Variants in NKAIN2 observed in about 807,000 individuals in gnomAD.
The protein encoded by NKAIN2 is sodium/potassium-transporting ATPase subunit beta-1-interacting protein 2.
Under a neutral mutation model 32.6 loss-of-function variants are expected in NKAIN2, and 14 were observed. The ratio of observed to expected loss-of-function variants is 0.43; its 90% CI spans 0.28 to 0.67. The LOEUF is 0.67. Ranked by LOEUF, NKAIN2 falls within the 30% of genes least tolerant of loss-of-function variation. The pLI is 0.17. For missense variants in NKAIN2, 198 were observed against 258.3 expected (o/e 0.77, Z 1.60); for synonymous variants, 80 against 87.2 (o/e 0.92, Z 0.46).
At chr6:124,290,009 T>C (rs1562473802) in intron 2 of NKAIN2, among the ~76,000 whole-genome samples, 1 of 151,968 alleles carries the variant, frequency 6.6e-6, no homozygotes, top group Non-Finnish European at 1.5e-5. Context: ...TTAGAGTAGT[T>C]GTGAAAATAA....
At chr6:124,326,072 C>G (rs1336105152) in intron 2 of NKAIN2, among the ~76,000 whole-genome samples, 2 of 149,704 alleles carry the variant, frequency 1.3e-5, no homozygotes, top group Admixed American at 6.6e-5. Context: ...TTTTTTACTT[C>G]TTTTGTTATT....
chr6:124,096,824 C>T (rs1784664725), intron 1 of NKAIN2, among the ~76,000 whole-genome samples: 1 of 144,584 alleles, frequency 6.9e-6, no homozygotes. Flanking sequence ...CGCCACTGCA[C>T]TCCAGCCTGG....
chr6:124,118,334 G>A (rs1005797870), intron 1 of NKAIN2, among the ~76,000 whole-genome samples: 3 of 152,226 alleles, frequency 2.0e-5, no homozygotes, highest in South Asian at 2.1e-4. Context: ...AAATGAAGCC[G>A]AGATTAAATT....
At position 124,571,732 on chromosome 6, in the gene NKAIN2, C is replaced by T. The variant is rs181927789; in HGVS notation, c.274-86454C>T. ...CCTCACATATGCTTAATTTTAGCCA[C>T]GCCTCTCCAGCTCTAGAGATTTCCA... On this transcript the variant is annotated intron_variant, in intron 3 of 6. Coordinates refer to ENST00000368417, the MANE Select transcript of NKAIN2 (RefSeq NM_001040214.3). Among the ~76,000 whole-genome samples, 337 of 152,278 alleles carry T rather than the reference C, an allele frequency of 2.2e-3. 1 individual carries two copies. The highest frequency in any genetic ancestry group is 4.4e-3 in the Admixed American group (68 of 15,294).
rs1457353090 is a variant in NKAIN2 at position 124,496,345 on chromosome 6, A to AT, written c.273+141000dup. On this transcript the variant is annotated intron_variant, in intron 3 of 6. Transcript: ENST00000368417. Reference sequence around the variant, plus strand: ...GTATGGATAACCTTTTTTTAAATTCATTGACACAATAAACATTAATTAAAT... The same window carrying AT: ...GTATGGATAACCTTTTTTTAAATTCATTTGACACAATAAACATTAATTAAAT... Among the ~76,000 whole-genome samples the AT allele has an allele frequency of 5.9e-5, 9 of 152,114 alleles. 1 individual carries two copies. The highest frequency in any genetic ancestry group is 1.3e-4 in the Non-Finnish European group (9 of 68,014).
rs184484432 is a variant in NKAIN2 at position 124,732,339 on chromosome 6, G to T, written c.475-59000G>T. On this transcript the variant is annotated intron_variant, in intron 4 of 6. Coordinates refer to ENST00000368417, the MANE Select transcript of NKAIN2 (RefSeq NM_001040214.3). ...GATACGGGCTCTTACGGAAGCTGAG[G>T]AATAGGACAGGGTTTGGTGAAATCC... Among the ~76,000 whole-genome samples the T allele has an allele frequency of 3.6e-3, 545 of 152,212 alleles. 1 individual carries two copies. Among genetic ancestry groups the T allele is most frequent in the Non-Finnish European group, 5.8e-3 (394 of 67,990 alleles).
chr6:124,800,215 A>C (rs1219456000), intron 5 of NKAIN2, among the ~76,000 whole-genome samples: 1 of 152,182 alleles, frequency 6.6e-6, no homozygotes, highest in African/African-American at 2.4e-5. Flanking sequence ...TAGTTTTAGA[A>C]GTGGCATCTC....
chr6:124,115,026 ATG>A (rs951337411), intron 1 of NKAIN2, among the ~76,000 whole-genome samples: 1 of 152,090 alleles, frequency 6.6e-6, no homozygotes, highest in Non-Finnish European at 1.5e-5. Context: ...CTTTTTAAAA[ATG>A]TGTGTGTGTA....
At chr6:124,557,233 T>C (rs1780508886) in intron 3 of NKAIN2, among the ~76,000 whole-genome samples, 1 of 152,204 alleles carries the variant, frequency 6.6e-6, no homozygotes, top group East Asian at 1.9e-4. Flanking sequence ...GAAATGCTTC[T>C]ACTTCTTGAC....
At chr6:123,900,640 C>T (rs9490993) in intron 1 of NKAIN2, among the ~76,000 whole-genome samples, 2 of 136,474 alleles carry the variant, frequency 1.5e-5, no homozygotes, top group South Asian at 2.5e-4. Flanking sequence ...CCCGAGCTGG[C>T]GTCTTCAAGC....
intron 1 of NKAIN2, among the ~76,000 whole-genome samples, chr6:124,222,675 C>T (rs1394118071): frequency 6.6e-6 from 1 of 152,062 alleles, no homozygotes; most frequent in Admixed American, 6.6e-5. Context: ...AAGGTAGAAC[C>T]AGCAGAAAAG....
intron 1 of NKAIN2, among the ~76,000 whole-genome samples, chr6:124,077,435 G>GA (rs1783743651): frequency 6.6e-6 from 1 of 152,136 alleles, no homozygotes; most frequent in Admixed American, 6.6e-5. Flanking sequence ...AGCTCAGAAG[G>GA]AGCAACTTCA....
intron 1 of NKAIN2, among the ~76,000 whole-genome samples, chr6:123,834,105 T>G (rs2114919753): frequency 6.6e-6 from 1 of 152,242 alleles, no homozygotes; most frequent in African/African-American, 2.4e-5. Context: ...ATATTACCCT[T>G]GTATCCTGCA....
intron 3 of NKAIN2, among the ~76,000 whole-genome samples, chr6:124,447,823 C>G (rs1047650306): frequency 2.0e-5 from 3 of 152,096 alleles, no homozygotes; most frequent in African/African-American, 7.2e-5. Context: ...GAAACTCATT[C>G]TCTCCACTCC....
intron 4 of NKAIN2, among the ~76,000 whole-genome samples, chr6:124,752,348 T>A (rs576482442): frequency 6.6e-6 from 1 of 152,160 alleles, no homozygotes; most frequent in South Asian, 2.1e-4. Flanking sequence ...GTTCTGCAAT[T>A]CCCTAAAACA....
chr6:124,036,956 T>C (rs1319623848), intron 1 of NKAIN2, among the ~76,000 whole-genome samples: 1 of 152,156 alleles, frequency 6.6e-6, no homozygotes, highest in Non-Finnish European at 1.5e-5. Flanking sequence ...ATTTGGTTTA[T>C]CAAAGCTTCG....
chr6:124,124,551 A>G (rs1786064390), intron 1 of NKAIN2, among the ~76,000 whole-genome samples: 1 of 152,212 alleles, frequency 6.6e-6, no homozygotes, highest in Non-Finnish European at 1.5e-5. Context: ...AAGAGGAGAC[A>G]AATGTTAAAC....
intron 1 of NKAIN2, among the ~76,000 whole-genome samples, chr6:124,244,858 A>G (rs1022193636): frequency 6.6e-6 from 1 of 152,094 alleles, no homozygotes; most frequent in African/African-American, 2.4e-5. Flanking sequence ...ATACTAAAAT[A>G]TATTTTCACT....
intron 3 of NKAIN2, among the ~76,000 whole-genome samples, chr6:124,533,490 A>AAAAAAC (rs1210118849): frequency 2.7e-5 from 4 of 149,402 alleles, no homozygotes; most frequent in African/African-American, 9.8e-5. Context: ...AAAAAAAAAA[A>AAAAAAC]ATCCTGCTGA....
Sources: allele counts gnomAD v4.1 joint callset (sites outside exome capture counted in the v4.1 genomes callset), GRCh38; gene constraint gnomAD v4.1.1; transcripts MANE v1.5; gene names NCBI Gene and HGNC (gene_info 2026-07-23, HGNC 2026-07-21).